Variants in TMEM178A observed in about 807,000 individuals in gnomAD.
TMEM178A encodes the protein transmembrane protein 178.
A neutral mutation model predicts 29.1 loss-of-function variants in TMEM178A; 12 were observed. The observed-to-expected ratio is 0.41, with a 90% CI of 0.26 to 0.67. The LOEUF (loss-of-function observed/expected upper bound fraction) is 0.67. Ranked by LOEUF, TMEM178A falls within the 30% of genes least tolerant of loss-of-function variation. The probability of loss-of-function intolerance (pLI) is 0.29; values close to 1 mark genes in which losing one functional copy is unlikely to be tolerated. For synonymous variants in TMEM178A, 210 were observed against 187.2 expected, an observed-to-expected ratio of 1.12 and a Z score of -0.99; for missense variants, 366 against 419.1, an observed-to-expected ratio of 0.87 and a Z score of 1.11.
intron 1 of TMEM178A, among the ~76,000 whole-genome samples, chr2:39,692,596 A>G (rs6711206): frequency 0.54 from 81,501 of 151,922 alleles, 23,426 homozygotes; most frequent in East Asian, 0.85. Context: ...AAGTACTATG[A>G]TCCCTAGGTC....
downstream of TMEM178A, among the ~76,000 whole-genome samples, chr2:39,719,314 G>T (rs1672655247): frequency 6.6e-6 from 1 of 152,208 alleles, no homozygotes; most frequent in Non-Finnish European, 1.5e-5. Context: ...AGTAACTTTT[G>T]AAGTTTCAGA....
downstream of TMEM178A, among the ~76,000 whole-genome samples, chr2:39,719,931 G>A (rs1672670556): frequency 6.6e-6 from 1 of 152,106 alleles, no homozygotes; most frequent in Admixed American, 6.5e-5. Flanking sequence ...TGGCTATTAT[G>A]TGCTCACATT....
At chr2:39,691,361 C>T (rs1671311018) in intron 1 of TMEM178A, among the ~76,000 whole-genome samples, 1 of 152,182 alleles carries the variant, frequency 6.6e-6, no homozygotes. Flanking sequence ...TCTCAGCAGA[C>T]TCCTGCAGGC....
At chr2:39,672,907 C>A (rs1289643294) in intron 1 of TMEM178A, among the ~76,000 whole-genome samples, 1 of 152,086 alleles carries the variant, frequency 6.6e-6, no homozygotes, top group Non-Finnish European at 1.5e-5. Flanking sequence ...CATTCCTTCC[C>A]ATTGAGAAAA....
At chr2:39,684,278 A>C (rs553891711) in intron 1 of TMEM178A, among the ~76,000 whole-genome samples, 2 of 150,634 alleles carry the variant, frequency 1.3e-5, no homozygotes, top group African/African-American at 4.9e-5. Flanking sequence ...TGGAGTTTAA[A>C]TTTTTTTTTT....
At chr2:39,723,960 TAAGC>T in the TMEM178A span, among the ~76,000 whole-genome samples, 1 of 152,258 alleles carries the variant, frequency 6.6e-6, no homozygotes, top group Non-Finnish European at 1.5e-5. Context: ...CTATAGTTTT[TAAGC>T]AAGCTTCTAT....
chr2:39,684,889 C>T (rs549045404), intron 1 of TMEM178A, among the ~76,000 whole-genome samples: 1 of 152,154 alleles, frequency 6.6e-6, no homozygotes, highest in Middle Eastern at 3.2e-3. Flanking sequence ...CCCAGTGCCA[C>T]CCACACGTGC....
chr2:39,695,472 C>T (rs988314504), intron 1 of TMEM178A, among the ~76,000 whole-genome samples: 18 of 150,562 alleles, frequency 1.2e-4, no homozygotes, highest in African/African-American at 4.4e-4. Context: ...TGGTGAGGCT[C>T]AGCAAAGAGA....
At chr2:39,690,731 T>G (rs2148078116) in intron 1 of TMEM178A, among the ~76,000 whole-genome samples, 1 of 152,304 alleles carries the variant, frequency 6.6e-6, no homozygotes, top group Admixed American at 6.5e-5. Context: ...AAAGTCCCAG[T>G]AGCTGGCCCC....
the TMEM178A span, among the ~76,000 whole-genome samples, chr2:39,732,929 T>G: frequency 6.6e-6 from 1 of 152,242 alleles, no homozygotes; most frequent in Non-Finnish European, 1.5e-5. Context: ...GTGTTGGCAC[T>G]AACATCTGCA....
At chr2:39,712,366 G>T (rs139021364) in intron 3 of TMEM178A, among the ~76,000 whole-genome samples, 6 of 151,908 alleles carry the variant, frequency 3.9e-5, no homozygotes, top group Non-Finnish European at 7.4e-5. Flanking sequence ...AGTGGGCCCC[G>T]TTACCCTAAT....
chr2:39,709,243 G>C (rs533580429), intron 3 of TMEM178A, among the ~76,000 whole-genome samples: 4 of 152,262 alleles, frequency 2.6e-5, no homozygotes, highest in Admixed American at 6.5e-5. Context: ...TCACAGGCAG[G>C]GATCCTTCCT....
Position 39,712,041 on chromosome 2 carries a change from TTGTGTGTGTG to T in TMEM178A, c.652+4883_652+4892del, listed in dbSNP as rs61303746. On this transcript the variant is annotated intron_variant, in intron 3 of 3. Transcript: ENST00000281961. The stretch of plus-strand genomic sequence containing the variant: ...GCTTTTGGGATTTAGGAATTGCATT[TTGTGTGTGTG>T]TGTGTGTGTGTGTGTGTGTGTGTGT... Among the ~76,000 whole-genome samples the T allele has an allele frequency of 7.5e-4, 105 of 139,348 alleles. 2 individuals carry two copies. The highest frequency in any genetic ancestry group is 2.5e-3 in the African/African-American group (96 of 37,766). The allele number at this position is 139,348 out of a possible 152,430, so 91.4% of individuals were successfully genotyped here.
intron 3 of TMEM178A, among the ~76,000 whole-genome samples, chr2:39,715,926 G>A (rs12474761): frequency 0.031 from 4,659 of 152,266 alleles, 112 homozygotes; most frequent in Non-Finnish European, 0.047. Context: ...GGGTTGGAGA[G>A]GTAATCTGCT....
At chr2:39,683,765 G>C (rs1006463447) in intron 1 of TMEM178A, among the ~76,000 whole-genome samples, 3 of 152,180 alleles carry the variant, frequency 2.0e-5, no homozygotes, top group Admixed American at 1.3e-4. Context: ...GTATGGATGA[G>C]GATGGGCACA....
intron 1 of TMEM178A, among the ~76,000 whole-genome samples, chr2:39,697,616 C>T (rs1671599985): frequency 6.6e-6 from 1 of 152,168 alleles, no homozygotes; most frequent in African/African-American, 2.4e-5. Context: ...CATCATTTTC[C>T]CTACCCTCTT....
At chr2:39,706,620 A>G (rs1159651469) in intron 2 of TMEM178A, among the ~76,000 whole-genome samples, 1 of 96,876 alleles carries the variant, frequency 1.0e-5, no homozygotes, top group East Asian at 5.9e-4. Flanking sequence ...AGTAACCTAC[A>G]TTTCTTTTTT....
the TMEM178A span, among the ~76,000 whole-genome samples, chr2:39,730,435 TC>T: frequency 4.6e-5 from 7 of 152,120 alleles, no homozygotes; most frequent in Non-Finnish European, 1.0e-4. Flanking sequence ...GATCACTAGG[TC>T]CGTCAAGTTT....
chr2:39,721,224 G>A (rs1020851318), downstream of TMEM178A, among the ~76,000 whole-genome samples: 1 of 152,180 alleles, frequency 6.6e-6, no homozygotes, highest in African/African-American at 2.4e-5. Flanking sequence ...AGATGCTCAG[G>A]GCACCCAGTT....
Sources: allele counts gnomAD v4.1 joint callset (sites outside exome capture counted in the v4.1 genomes callset), GRCh38; gene constraint gnomAD v4.1.1; transcripts MANE v1.5; gene names NCBI Gene and HGNC (gene_info 2026-07-23, HGNC 2026-07-21).